Variants in SLC16A7 observed in about 807,000 individuals in gnomAD.
SLC16A7 encodes the protein solute carrier family 16 member 7.
In SLC16A7, 33 loss-of-function variants were observed where a neutral mutation model predicts 34.9. That is an observed-to-expected ratio of 0.94 (90% CI 0.72 to 1.26). SLC16A7 has a LOEUF of 1.26. SLC16A7 is among the 50% of genes most tolerant of loss of function. The probability of loss-of-function intolerance (pLI) is 0.00; values close to 1 mark genes in which losing one functional copy is unlikely to be tolerated. For missense variants in SLC16A7, 573 were observed against 578.1 expected, an observed-to-expected ratio of 0.99 and a Z score of 0.09; for synonymous variants, 201 against 206.6, an observed-to-expected ratio of 0.97 and a Z score of 0.23.
intron 3 of SLC16A7, among the ~76,000 whole-genome samples, chr12:59,746,363 A>C (rs1267337842): frequency 6.6e-6 from 1 of 152,234 alleles, no homozygotes; most frequent in African/African-American, 2.4e-5. Flanking sequence ...TGAATTAAAC[A>C]ATATATATGA....
At chr12:59,623,769 C>T (rs1042692621) in intron 1 of SLC16A7, among the ~76,000 whole-genome samples, 3 of 151,392 alleles carry the variant, frequency 2.0e-5, no homozygotes, top group Non-Finnish European at 4.4e-5. Flanking sequence ...TACTATTTTG[C>T]GAAGGATGTT....
At chr12:59,667,484 C>T (rs2137039804) in intron 2 of SLC16A7, among the ~76,000 whole-genome samples, 1 of 152,274 alleles carries the variant, frequency 6.6e-6, no homozygotes, top group Middle Eastern at 3.4e-3. Context: ...GTAAAGATTA[C>T]TCTTGTTATG....
At chr12:59,612,115 C>G (rs909024422) in intron 1 of SLC16A7, among the ~76,000 whole-genome samples, 4 of 152,236 alleles carry the variant, frequency 2.6e-5, no homozygotes, top group African/African-American at 7.2e-5. Context: ...CCCACATTTC[C>G]CTTCCTCACT....
intron 1 of SLC16A7, among the ~76,000 whole-genome samples, chr12:59,636,457 T>G (rs945778997): frequency 2.0e-5 from 3 of 152,214 alleles, no homozygotes; most frequent in Admixed American, 1.3e-4. Flanking sequence ...ATGCACAAAA[T>G]AGGAATTTAT....
At chr12:59,656,491 G>A (rs899521667) in intron 2 of SLC16A7, among the ~76,000 whole-genome samples, 2 of 151,966 alleles carry the variant, frequency 1.3e-5, no homozygotes, top group East Asian at 1.9e-4. Flanking sequence ...GGCTTTCAGA[G>A]TATGGAAAAG....
At chr12:59,673,034 A>T (rs187122705) in intron 2 of SLC16A7, among the ~76,000 whole-genome samples, 65 of 152,292 alleles carry the variant, frequency 4.3e-4, no homozygotes, top group Admixed American at 2.2e-3. Context: ...TGCACTCTAA[A>T]GCATAAAAGA....
rs1878421471 is a variant in SLC16A7 at position 59,596,729 on chromosome 12, G to GGTGGAGTGT, written c.-130+500_-130+508dup. Among the ~76,000 whole-genome samples, 1 of 152,102 alleles carries GGTGGAGTGT rather than the reference G, an allele frequency of 6.6e-6. No individual in the cohort carries two copies. The highest frequency in any genetic ancestry group is 1.5e-5 in the Non-Finnish European group (1 of 68,038). ...CATTGCCGCAGAAGGTGGAGGCGGG[G>GGTGGAGTGT]GTGGAGTGTGTGGAGAGAACGTCTT... On this transcript the variant is annotated intron_variant, in intron 1 of 5. Transcript: ENST00000547379. The surrounding 1 kb of genome is among the most constrained non-coding windows in gnomAD (Gnocchi z 5.0).
intron 1 of SLC16A7, among the ~76,000 whole-genome samples, chr12:59,610,691 A>T (rs1164777354): frequency 6.6e-6 from 1 of 152,210 alleles, no homozygotes; most frequent in African/African-American, 2.4e-5. Context: ...TTAGCTCTTA[A>T]CTCTAGCCCT....
chr12:59,694,171 T>C (rs1316147086), intron 2 of SLC16A7, among the ~76,000 whole-genome samples: 1 of 151,898 alleles, frequency 6.6e-6, no homozygotes, highest in Non-Finnish European at 1.5e-5. Flanking sequence ...CTATAATAAT[T>C]AAAGCTACTT....
At chr12:59,773,090 G>T (rs1312375292) in intron 4 of SLC16A7, among the ~76,000 whole-genome samples, 1 of 151,134 alleles carries the variant, frequency 6.6e-6, no homozygotes, top group African/African-American at 2.4e-5. Context: ...TGGGGAAAAT[G>T]ATTGATATAA....
intron 3 of SLC16A7, among the ~76,000 whole-genome samples, chr12:59,710,642 A>G (rs1307904682): frequency 1.3e-5 from 2 of 152,202 alleles, no homozygotes; most frequent in African/African-American, 4.8e-5. Flanking sequence ...TGAACCTTTC[A>G]CTTACTGATG....
At chr12:59,749,220 C>G (rs1879230226) in intron 3 of SLC16A7, among the ~76,000 whole-genome samples, 1 of 152,156 alleles carries the variant, frequency 6.6e-6, no homozygotes, top group African/African-American at 2.4e-5. Context: ...TTAGGACTGC[C>G]CTTATCTACA....
rs1034403542 is a variant in SLC16A7 at position 59,702,799 on chromosome 12, G to A, written c.-30-1973G>A. Among the ~76,000 whole-genome samples the A allele has an allele frequency of 2.6e-5, 4 of 151,908 alleles. No individual in the cohort carries two copies. The East Asian group carries it at 5.8e-4, about 22-fold the overall frequency. On this transcript the variant is annotated intron_variant, in intron 2 of 5. Transcript: ENST00000547379. ...TAATAAAAATGCCGAGGATTTTTTT[G>A]CTTGCTTTTTTTTCTCCCTAAATTA...
chr12:59,678,139 C>T (rs1447541116), intron 2 of SLC16A7, among the ~76,000 whole-genome samples: 1 of 152,184 alleles, frequency 6.6e-6, no homozygotes, highest in Non-Finnish European at 1.5e-5. Flanking sequence ...TCAGGGAACT[C>T]CTAGGTCTGG....
chr12:59,681,418 G>A (rs1170081319), intron 2 of SLC16A7, among the ~76,000 whole-genome samples: 1 of 152,080 alleles, frequency 6.6e-6, no homozygotes, highest in Non-Finnish European at 1.5e-5. Context: ...TAAGCATACA[G>A]TTGGGAGTCC....
At chr12:59,698,893 C>A (rs149661291) in intron 2 of SLC16A7, among the ~76,000 whole-genome samples, 1 of 151,546 alleles carries the variant, frequency 6.6e-6, no homozygotes, top group Admixed American at 6.6e-5. Flanking sequence ...TTAGCAATAC[C>A]TAATGAGTTA....
At chr12:59,709,094 T>G (rs560379846) in intron 3 of SLC16A7, among the ~76,000 whole-genome samples, 4 of 151,786 alleles carry the variant, frequency 2.6e-5, no homozygotes, top group African/African-American at 9.7e-5. Context: ...AGGATTATCT[T>G]TTAGTGCAAT....
intron 1 of SLC16A7, among the ~76,000 whole-genome samples, chr12:59,639,899 T>C (rs753987257): frequency 5.3e-5 from 8 of 152,162 alleles, no homozygotes; most frequent in Admixed American, 1.3e-4. Context: ...GCCAATCACA[T>C]GTAGTATGTC....
At chr12:59,722,373 C>T (rs1009504190) in intron 3 of SLC16A7, among the ~76,000 whole-genome samples, 1 of 151,870 alleles carries the variant, frequency 6.6e-6, no homozygotes, top group African/African-American at 2.4e-5. Flanking sequence ...TCTAGATTAT[C>T]TTTGTAGTCT....
Sources: gnomAD v4.1 joint callset for allele counts (sites outside exome capture counted in the v4.1 genomes callset) on GRCh38, gnomAD v4.1.1 for gene constraint, Gnocchi (gnomAD v3.1) non-coding constraint, MANE v1.5 for transcripts, NCBI Gene and HGNC (gene_info 2026-07-23, HGNC 2026-07-21) for gene names.